Variants in NRP1 observed in about 807,000 individuals in gnomAD.
NRP1 encodes the protein neuropilin 1, also known as neuropilin-1.
NRP1 carries 35 observed loss-of-function variants against 106.7 expected under a neutral mutation model. The ratio of observed to expected loss-of-function variants is 0.33; its 90% CI spans 0.25 to 0.43. The LOEUF is 0.43. Among genes scored for constraint, NRP1 ranks in the 20% least tolerant of loss-of-function variants. The pLI is 1.00. For synonymous variants in NRP1, 437 were observed against 417.9 expected, an observed-to-expected ratio of 1.05 and a Z score of -0.56; for missense variants, 1,024 against 1,170.4, an observed-to-expected ratio of 0.87 and a Z score of 1.83.
At chr10:33,273,394 C>T (rs1235178266) in intron 2 of NRP1, among the ~76,000 whole-genome samples, 1 of 152,194 alleles carries the variant, frequency 6.6e-6, no homozygotes, top group Non-Finnish European at 1.5e-5. Flanking sequence ...TTGATACCAG[C>T]TCCACTCGTT....
intron 2 of NRP1, among the ~76,000 whole-genome samples, chr10:33,327,583 A>C (rs895378326): frequency 6.6e-6 from 1 of 152,150 alleles, no homozygotes; most frequent in Non-Finnish European, 1.5e-5. Context: ...CCTAATAACA[A>C]AACTATGTTT....
chr10:33,251,844 A>G (rs1158345838), intron 6 of NRP1, among the ~76,000 whole-genome samples: 1 of 152,168 alleles, frequency 6.6e-6, no homozygotes, highest in East Asian at 1.9e-4. Context: ...TACATTACTG[A>G]TACGGGAGTG....
chr10:33,291,199 A>T (rs1844970862), intron 2 of NRP1, among the ~76,000 whole-genome samples: 1 of 152,204 alleles, frequency 6.6e-6, no homozygotes, highest in African/African-American at 2.4e-5. Context: ...GTCAGCTATT[A>T]TCTGGGCAGT....
At chr10:33,318,209 T>C (rs1847174462) in intron 2 of NRP1, among the ~76,000 whole-genome samples, 1 of 152,214 alleles carries the variant, frequency 6.6e-6, no homozygotes, top group Non-Finnish European at 1.5e-5. Context: ...GTAGGCAACC[T>C]GGTCACTGTC....
chr10:33,324,762 C>T (rs184310767), intron 2 of NRP1, among the ~76,000 whole-genome samples: 18 of 152,194 alleles, frequency 1.2e-4, no homozygotes, highest in Admixed American at 1.1e-3. Context: ...CTCAGCCTCC[C>T]GAGTAGCTGG....
chr10:33,254,936 A>G (rs1165862806), intron 5 of NRP1, among the ~76,000 whole-genome samples: 1 of 152,210 alleles, frequency 6.6e-6, no homozygotes, highest in Non-Finnish European at 1.5e-5. Context: ...TTCAGCAGGG[A>G]CGTGGTGTTT....
At chr10:33,324,247 C>A (rs929784617) in intron 2 of NRP1, among the ~76,000 whole-genome samples, 2 of 152,084 alleles carry the variant, frequency 1.3e-5, no homozygotes, top group Non-Finnish European at 2.9e-5. Context: ...TGAGTAATAA[C>A]CAAGGATGCT....
intron 9 of NRP1, among the ~76,000 whole-genome samples, chr10:33,209,346 C>T (rs1838088061): frequency 6.6e-6 from 1 of 152,270 alleles, no homozygotes; most frequent in South Asian, 2.1e-4. Context: ...AGTCAAATCA[C>T]TTGCCCCATG....
chr10:33,276,046 T>C (rs181615327), intron 2 of NRP1, among the ~76,000 whole-genome samples: 4 of 152,356 alleles, frequency 2.6e-5, no homozygotes, highest in African/African-American at 9.6e-5. Flanking sequence ...CTTATTCATA[T>C]GCAGAAAAAA....
chr10:33,306,936 G>A (rs1159950657), intron 2 of NRP1, among the ~76,000 whole-genome samples: 6 of 152,192 alleles, frequency 3.9e-5, no homozygotes, highest in African/African-American at 1.2e-4. Flanking sequence ...TCTCAAGAAA[G>A]TACACAAAGA....
chr10:33,268,413 T>C (rs546345601), intron 3 of NRP1, among the ~76,000 whole-genome samples: 12 of 152,190 alleles, frequency 7.9e-5, no homozygotes, highest in East Asian at 1.9e-4. Flanking sequence ...TGGATGAAAA[T>C]TAAAAAGCAG....
chr10:33,334,367 G>A lies in NRP1; in HGVS notation c.16C>T (p.Pro6Ser). ...AGGGCGAGCACGGCGCAGAGGAGCG[G>A]CAGCCCCCTCTCCATTCTCCCTTCT... MERGL[P>S]LLCAVLALVL... The change falls in exon 1 of 17, where the codon CCG becomes TCG. Residue 6 changes from proline to serine, a missense_variant. By Grantham distance (74) the Pro-to-Ser change is moderately conservative (BLOSUM62 -1). Coordinates refer to ENST00000374867, the MANE Select transcript of NRP1 (RefSeq NM_003873.7). 1.3e-6 allele frequency: 2 copies of A among 1,546,016 alleles called. No individual in the cohort carries two copies. Among genetic ancestry groups the A allele is most frequent in the Non-Finnish European group, 8.7e-7 (1 of 1,147,230 alleles).
rs190109782 is a variant in NRP1, at chr10:33,195,291, G to T, written c.1924+2359C>A. On this transcript the variant is annotated intron_variant, in intron 12 of 16. Transcript: ENST00000374867. ...ATGAATATACTCCGAACTGCTGCAG[G>T]AATGCTGGAGGAGCCTCAGAGGGTT... 1.4e-4 allele frequency: 48 copies of T among 338,004 alleles called. No homozygotes were observed. In the East Asian group the frequency reaches 3.5e-3, roughly 25 times the overall value. 20.9% of individuals were successfully genotyped at this position (338,004 alleles called of 1,614,324 possible).
At chr10:33,296,175 C>G (rs1588944063) in intron 2 of NRP1, among the ~76,000 whole-genome samples, 1 of 152,022 alleles carries the variant, frequency 6.6e-6, no homozygotes, top group East Asian at 1.9e-4. Context: ...GAAATGTTTC[C>G]CTTTAAAAGA....
intron 2 of NRP1, among the ~76,000 whole-genome samples, chr10:33,309,979 G>T (rs1309958779): frequency 6.8e-6 from 1 of 146,348 alleles, no homozygotes; most frequent in African/African-American, 2.5e-5. Flanking sequence ...ACGGAGTCTC[G>T]CTCTGTCGCC....
At chr10:33,226,088 C>T (rs779455438) in intron 7 of NRP1, 46 bp downstream of exon 7, 1 of 1,590,808 alleles carries the variant, frequency 6.3e-7, no homozygotes, top group African/African-American at 1.3e-5. Flanking sequence ...AATTGATCAT[C>T]CATTTAAAAG....
rs185916629 is a variant in NRP1 at position 33,179,733 on chromosome 10, C to T, written c.*343G>A. 274 of 241,176 alleles carry T rather than the reference C, an allele frequency of 1.1e-3. No individual in the cohort carries two copies. The highest frequency in any genetic ancestry group is 5.4e-3 in the African/African-American group (243 of 44,830). 14.9% of individuals were successfully genotyped at this position (241,176 alleles called of 1,614,324 possible). ...CGCTTGGTGCCAGCATCTTGGATTT[C>T]GCTCAGTTTCCAAAAAGAATCCACA... On this transcript the variant is annotated 3_prime_UTR_variant, in exon 17 of 17. Transcript: ENST00000374867.
chr10:33,254,282 C>A, intron 5 of NRP1, 88 bp from the exon 6 acceptor site: 2 of 1,182,724 alleles, frequency 1.7e-6, no homozygotes, highest in Non-Finnish European at 2.4e-6. Context: ...CCAAAGAGTT[C>A]TTTCATTCAA....
At chr10:33,222,599 C>G (rs755145504) in intron 7 of NRP1, among the ~76,000 whole-genome samples, 2 of 151,928 alleles carry the variant, frequency 1.3e-5, no homozygotes, top group Non-Finnish European at 2.9e-5. Flanking sequence ...CGGCTCACTG[C>G]GGCCTCCGCC....
Sources: allele counts gnomAD v4.1 joint callset (sites outside exome capture counted in the v4.1 genomes callset), GRCh38; gene constraint gnomAD v4.1.1; transcripts MANE v1.5; gene names NCBI Gene and HGNC (gene_info 2026-07-23, HGNC 2026-07-21).